Variants in TMEM117 observed in about 807,000 individuals in gnomAD.
TMEM117 encodes the protein transmembrane protein 117.
In TMEM117, 27 loss-of-function variants were observed where a neutral mutation model predicts 52.4. The observed-to-expected ratio is 0.51, with a 90% CI of 0.38 to 0.71. The LOEUF is 0.71. Ranked by LOEUF, TMEM117 falls within the 30% of genes least tolerant of loss-of-function variation. TMEM117 has a pLI of 0.00. For missense variants in TMEM117, 556 were observed against 630.5 expected (o/e 0.88, Z 1.26); for synonymous variants, 215 against 206.3 (o/e 1.04, Z -0.36).
chr12:44,319,616 C>G (rs1316238518), intron 6 of TMEM117, among the ~76,000 whole-genome samples: 3 of 152,182 alleles, frequency 2.0e-5, no homozygotes, highest in African/African-American at 7.2e-5. Flanking sequence ...GGCTAAGACA[C>G]ACTGCAAGCT....
intron 3 of TMEM117, among the ~76,000 whole-genome samples, chr12:44,012,873 T>C (rs1268070621): frequency 6.6e-6 from 1 of 152,228 alleles, no homozygotes; most frequent in Non-Finnish European, 1.5e-5. Context: ...TTCCTTGTAA[T>C]TTCTTGTTGA....
At chr12:44,383,961 T>C (rs892523788) in intron 7 of TMEM117, among the ~76,000 whole-genome samples, 6 of 152,214 alleles carry the variant, frequency 3.9e-5, no homozygotes, top group African/African-American at 1.4e-4. Flanking sequence ...CAATGTTTAT[T>C]TCACAGACTC....
intron 6 of TMEM117, among the ~76,000 whole-genome samples, chr12:44,326,456 T>C (rs1409182393): frequency 2.0e-5 from 3 of 152,168 alleles, no homozygotes; most frequent in Non-Finnish European, 4.4e-5. Context: ...TAGAGAATGA[T>C]ATTAGAGGAC....
At chr12:44,201,988 A>G (rs568162488) in intron 4 of TMEM117, among the ~76,000 whole-genome samples, 2 of 152,104 alleles carry the variant, frequency 1.3e-5, no homozygotes, top group South Asian at 4.2e-4. Context: ...ATCATGTGAT[A>G]TCTTTATATA....
the TMEM117 span, among the ~76,000 whole-genome samples, chr12:44,395,988 G>T: frequency 5.1e-4 from 77 of 152,332 alleles, no homozygotes; most frequent in African/African-American, 1.7e-3. Flanking sequence ...AGTACATTCA[G>T]TGGGTTTGGG....
At chr12:44,052,709 G>A (rs1052184190) in intron 3 of TMEM117, among the ~76,000 whole-genome samples, 1 of 152,092 alleles carries the variant, frequency 6.6e-6, no homozygotes, top group Non-Finnish European at 1.5e-5. Context: ...CTGACCCAGG[G>A]GAAATAGTCC....
intron 4 of TMEM117, among the ~76,000 whole-genome samples, chr12:44,195,573 A>G (rs1168463047): frequency 2.0e-5 from 3 of 152,122 alleles, no homozygotes; most frequent in Non-Finnish European, 4.4e-5. Context: ...TAAAGTAATA[A>G]TGCCTGGAAA....
At chr12:44,089,467 T>C (rs1947626696) in intron 3 of TMEM117, among the ~76,000 whole-genome samples, 1 of 152,150 alleles carries the variant, frequency 6.6e-6, no homozygotes. Flanking sequence ...TTGTCAGTCT[T>C]GTGCCATACT....
chr12:43,837,447 A>G (rs939592501), intron 1 of TMEM117, among the ~76,000 whole-genome samples: 2 of 152,038 alleles, frequency 1.3e-5, no homozygotes, highest in South Asian at 4.1e-4. Flanking sequence ...CCCGGGTTCA[A>G]GGGATTCTCC....
At position 43,844,733 on chromosome 12, in the gene TMEM117, T is replaced by C; in HGVS notation, c.82T>C (p.Leu28=). 6.2e-7 allele frequency: 1 copy of C among 1,614,224 alleles called. No homozygotes were observed. Among genetic ancestry groups the C allele is most frequent in the South Asian group, 1.1e-5 (1 of 91,088 alleles). The change falls in exon 2 of 8, where the codon TTA becomes CTA. Residue 28 remains leucine, a synonymous_variant. Coordinates refer to ENST00000266534, the MANE Select transcript of TMEM117 (RefSeq NM_032256.3). ...TTACTTGGTGATCTTCTTTAACTTC[T>C]TAATATTTGCGGAGGACCCAGTTTC... ...VAYLVIFFNF[L]IFAEDPVSHS... is the part of the protein sequence containing the mutation.
chr12:43,912,206 A>G lies in TMEM117; in HGVS notation c.278-32004A>G, dbSNP rs1173572187. ...GTTCATGTCCTTTGTAGGGACATGG[A>G]TGAAATTGGAAATCATCAGTCTCAC... is the stretch of plus-strand genomic sequence containing the variant. On this transcript the variant is annotated intron_variant, in intron 2 of 7. Transcript: ENST00000266534. 8.2e-5 allele frequency among the ~76,000 whole-genome samples: 12 copies of G among 146,936 alleles called. No homozygotes were observed. The East Asian group carries it at 2.2e-3, about 27-fold the overall frequency.
chr12:44,295,513 A>G (rs1950756969), intron 5 of TMEM117, among the ~76,000 whole-genome samples: 1 of 152,046 alleles, frequency 6.6e-6, no homozygotes, highest in Non-Finnish European at 1.5e-5. Context: ...TTGGCCTAGT[A>G]TGCTGTCTTT....
the TMEM117 span, among the ~76,000 whole-genome samples, chr12:44,395,205 C>T: frequency 6.6e-6 from 1 of 152,124 alleles, no homozygotes; most frequent in Non-Finnish European, 1.5e-5. Context: ...AATGTTTTTG[C>T]ATTTGAAGCA....
chr12:44,388,428 T>C lies in TMEM117; in HGVS notation c.1301T>C (p.Met434Thr). ...AATCAAGACAAAACTTACACTCGCA[T>C]GAAAAGAAAATCTCCATCAGAACAT... The part of the protein sequence containing the change: ...MENQDKTYTR[M>T]KRKSPSEHSK... The change falls in exon 8 of 8, where the codon ATG becomes ACG. Residue 434 changes from methionine (M) to threonine (T), a missense_variant. This residue lies in a region of TMEM117 where 206 missense variants were observed against 211.1 expected (regional missense o/e 0.98). Transcript: ENST00000266534. The C allele has an allele frequency of 6.2e-7, 1 of 1,613,400 alleles. No homozygotes were observed.
At chr12:43,835,089 T>C (rs765201953), upstream of TMEM117, among the ~76,000 whole-genome samples, 5 of 152,196 alleles carry the variant, frequency 3.3e-5, no homozygotes, top group Admixed American at 6.5e-5. Flanking sequence ...ATAACTTCCA[T>C]TACCACAAAA....
chr12:44,016,177 A>G (rs1437628273), intron 3 of TMEM117, among the ~76,000 whole-genome samples: 1 of 152,046 alleles, frequency 6.6e-6, no homozygotes, highest in Non-Finnish European at 1.5e-5. Context: ...TCTTATGTCC[A>G]CTACCTCTCA....
At chr12:43,853,559 G>T (rs1013117086) in intron 2 of TMEM117, among the ~76,000 whole-genome samples, 9 of 152,194 alleles carry the variant, frequency 5.9e-5, no homozygotes, top group Admixed American at 5.9e-4. Context: ...ACAGGCGTGA[G>T]CCACTGTGGC....
rs529778068 is a variant in TMEM117 at position 44,193,664 on chromosome 12, A to G, written c.511-17626A>G. Among the ~76,000 whole-genome samples the G allele has an allele frequency of 3.9e-5, 6 of 152,342 alleles. No individual in the cohort carries two copies. In the South Asian group the frequency reaches 8.3e-4, roughly 21 times the overall value. ...ACTTGGTTGTCTTGTCAGAGATCCT[A>G]GAGAGAGGAAAACATAAAGTATCCC... On this transcript the variant is annotated intron_variant, in intron 4 of 7. Coordinates refer to ENST00000266534, the MANE Select transcript of TMEM117 (RefSeq NM_032256.3).
At chr12:44,076,737 G>A (rs1388775) in intron 3 of TMEM117, among the ~76,000 whole-genome samples, 12,728 of 152,140 alleles carry the variant, frequency 0.084, 589 homozygotes, top group Middle Eastern at 0.14. Context: ...CCCCTTAGTC[G>A]TTGAACTTTA....
Sources: allele counts gnomAD v4.1 joint callset (sites outside exome capture counted in the v4.1 genomes callset), GRCh38; gene constraint gnomAD v4.1.1; regional missense constraint gnomAD v4.1.1; transcripts MANE v1.5; gene names NCBI Gene and HGNC (gene_info 2026-07-23, HGNC 2026-07-21).